Variants in DLG2 observed in about 807,000 individuals in gnomAD.
DLG2 encodes the protein disks large homolog 2.
In DLG2, 45 loss-of-function variants were observed where a neutral mutation model predicts 132.5. That is an observed-to-expected ratio of 0.34 (90% CI 0.27 to 0.44). DLG2 has a LOEUF of 0.44. Among genes scored for constraint, DLG2 ranks in the 20% least tolerant of loss-of-function variants. The probability of loss-of-function intolerance (pLI) is 1.00; values close to 1 mark genes in which losing one functional copy is unlikely to be tolerated. For missense variants in DLG2, 1,045 were observed against 1,196.9 expected (o/e 0.87, Z 1.87); for synonymous variants, 424 against 419.6 (o/e 1.01, Z -0.13).
At chr11:85,032,390 T>C (rs1418751730) in intron 6 of DLG2, among the ~76,000 whole-genome samples, 1 of 152,184 alleles carries the variant, frequency 6.6e-6, no homozygotes, top group Non-Finnish European at 1.5e-5. Context: ...ATCCTCCAAA[T>C]TATAAGTTCT....
chr11:84,933,083 T>C (rs1454563907), intron 6 of DLG2, among the ~76,000 whole-genome samples: 1 of 152,208 alleles, frequency 6.6e-6, no homozygotes, highest in East Asian at 1.9e-4. Flanking sequence ...TATCTCATTG[T>C]GGGTTTGATT....
chr11:84,879,061 C>T (rs1004181950), intron 6 of DLG2, among the ~76,000 whole-genome samples: 5 of 151,466 alleles, frequency 3.3e-5, no homozygotes, highest in African/African-American at 1.2e-4. Flanking sequence ...GAGAATGAGT[C>T]CCCCACTAAA....
At chr11:84,140,734 A>G (rs1233224238) in intron 9 of DLG2, among the ~76,000 whole-genome samples, 1 of 152,118 alleles carries the variant, frequency 6.6e-6, no homozygotes, top group East Asian at 1.9e-4. Flanking sequence ...TTTCTCTCTC[A>G]GCTGCTTTCA....
chr11:84,774,868 C>T (rs1179854758), intron 6 of DLG2, among the ~76,000 whole-genome samples: 2 of 151,948 alleles, frequency 1.3e-5, no homozygotes, highest in Non-Finnish European at 2.9e-5. Context: ...TTGGAAATCA[C>T]CCTTGGGAAA....
intron 4 of DLG2, among the ~76,000 whole-genome samples, chr11:85,266,833 A>G (rs2077242446): frequency 6.6e-6 from 1 of 152,198 alleles, no homozygotes; most frequent in African/African-American, 2.4e-5. Context: ...TTTGCTTCAC[A>G]AGGAGTCATT....
intron 6 of DLG2, among the ~76,000 whole-genome samples, chr11:85,065,821 G>T (rs971991122): frequency 6.6e-6 from 1 of 151,154 alleles, no homozygotes; most frequent in African/African-American, 2.4e-5. Context: ...AAAAAGCAGT[G>T]CTAAGAGAAA....
intron 6 of DLG2, among the ~76,000 whole-genome samples, chr11:84,824,581 G>A (rs1566064166): frequency 6.6e-6 from 1 of 151,804 alleles, no homozygotes; most frequent in Non-Finnish European, 1.5e-5. Flanking sequence ...ATCCTGCTGG[G>A]TACCTTCACC....
intron 9 of DLG2, among the ~76,000 whole-genome samples, chr11:84,135,732 A>G (rs1341626004): frequency 2.0e-5 from 3 of 152,112 alleles, no homozygotes; most frequent in African/African-American, 7.2e-5. Context: ...CTTCAGTGAG[A>G]GGTCGAACAT....
At chr11:84,580,361 A>G (rs17807807) in intron 6 of DLG2, among the ~76,000 whole-genome samples, 9,624 of 152,280 alleles carry the variant, frequency 0.063, 368 homozygotes, top group South Asian at 0.1. Context: ...ACAAATTGCT[A>G]ACTCTTTGAC....
intron 3 of DLG2, among the ~76,000 whole-genome samples, chr11:85,445,246 A>G (rs905882261): frequency 6.6e-6 from 1 of 152,172 alleles, no homozygotes; most frequent in East Asian, 1.9e-4. Flanking sequence ...GGGGAGAAAC[A>G]ATTACAAGGA....
intron 6 of DLG2, among the ~76,000 whole-genome samples, chr11:85,109,270 T>C (rs1471804071): frequency 2.0e-5 from 3 of 152,104 alleles, no homozygotes; most frequent in African/African-American, 7.2e-5. Flanking sequence ...ATTACTTTTA[T>C]GTAAATAGCA....
chr11:84,762,302 T>C (rs1278890683), intron 6 of DLG2: 1 of 152,218 alleles, frequency 6.6e-6, no homozygotes, highest in Non-Finnish European at 1.5e-5. Flanking sequence ...TATTTCCTTT[T>C]ATCTTCATGG....
intron 26 of DLG2, among the ~76,000 whole-genome samples, chr11:83,465,289 T>TAA (rs1260595704): frequency 6.6e-6 from 1 of 152,222 alleles, no homozygotes; most frequent in Non-Finnish European, 1.5e-5. Flanking sequence ...ACTATGTATT[T>TAA]AACTTAATTC....
At chr11:84,157,435 A>C (rs1410865448) in intron 9 of DLG2, among the ~76,000 whole-genome samples, 1 of 152,086 alleles carries the variant, frequency 6.6e-6, no homozygotes, top group Non-Finnish European at 1.5e-5. Flanking sequence ...TTTTTAAAAA[A>C]ATTTTATTTT....
chr11:85,183,594 A>G (rs1296062919), intron 4 of DLG2, among the ~76,000 whole-genome samples: 1 of 151,928 alleles, frequency 6.6e-6, no homozygotes, highest in Non-Finnish European at 1.5e-5. Context: ...CAGGTCCACC[A>G]TTTTAACATA....
In DLG2 at chr11:83,786,732, C is replaced by T; in HGVS notation, c.1783G>A (p.Ala595Thr). ...GCTATAATCGTCACTGTCTGTCCAG[C>T]CCCCTTTAGTGCAGCAGCTGCCTGC... ...HEQAAAALKGAGQTVTIIAQY... is the reference protein window; with the variant it reads ...HEQAAAALKGTGQTVTIIAQY... The change falls in exon 18 of 28, where the codon GCT becomes ACT. Residue 595 changes from alanine (A) to threonine (T), a missense_variant. By Grantham distance (58) the Ala-to-Thr change is moderately conservative. Coordinates refer to ENST00000376104, the MANE Select transcript of DLG2 (RefSeq NM_001142699.3). 4 of 1,614,120 alleles carry T rather than the reference C, an allele frequency of 2.5e-6. No homozygotes were observed. The highest frequency in any genetic ancestry group is 3.4e-6 in the Non-Finnish European group (4 of 1,180,020).
chr11:84,730,852 A>G (rs981632961), intron 6 of DLG2, among the ~76,000 whole-genome samples: 1 of 152,034 alleles, frequency 6.6e-6, no homozygotes, highest in Non-Finnish European at 1.5e-5. Flanking sequence ...CAATGAAACA[A>G]TTCCTCCCCT....
intron 3 of DLG2, among the ~76,000 whole-genome samples, chr11:85,423,187 G>A (rs1395810303): frequency 6.6e-6 from 1 of 152,152 alleles, no homozygotes; most frequent in East Asian, 1.9e-4. Context: ...CCTGAGAGCT[G>A]AGCTGTAGTG....
intron 3 of DLG2, among the ~76,000 whole-genome samples, chr11:85,483,612 C>G (rs1316538549): frequency 1.3e-5 from 2 of 152,122 alleles, no homozygotes; most frequent in African/African-American, 4.8e-5. Context: ...ATATGTAAAT[C>G]ACTTATAACT....
Sources: allele counts gnomAD v4.1 joint callset (sites outside exome capture counted in the v4.1 genomes callset), GRCh38; gene constraint gnomAD v4.1.1; transcripts MANE v1.5; gene names NCBI Gene and HGNC (gene_info 2026-07-23, HGNC 2026-07-21).